The following KCNQ5 variants were observed in gnomAD, a reference collection of about 807,000 sequenced individuals.
KCNQ5 encodes the protein potassium voltage-gated channel subfamily Q member 5.
KCNQ5 carries 30 observed loss-of-function variants against 98.2 expected under a neutral mutation model. The ratio of observed to expected loss-of-function variants is 0.31; its 90% CI spans 0.23 to 0.41. The LOEUF is 0.41. KCNQ5 is among the 10% of genes least tolerant of loss of function. The pLI is 1.00. For synonymous variants in KCNQ5, 458 were observed against 449.4 expected (o/e 1.02, Z -0.24); for missense variants, 835 against 1,182.5 (o/e 0.71, Z 4.31).
chr6:72,698,020 A>G (rs1768591118), intron 1 of KCNQ5, among the ~76,000 whole-genome samples: 1 of 152,192 alleles, frequency 6.6e-6, no homozygotes. Context: ...GTTCAATACC[A>G]GCCTGGGCAG....
At chr6:72,718,862 T>G (rs906343365) in intron 1 of KCNQ5, among the ~76,000 whole-genome samples, 5 of 152,206 alleles carry the variant, frequency 3.3e-5, no homozygotes, top group African/African-American at 1.2e-4. Flanking sequence ...GGTTCCATTT[T>G]AAGCCTGCTA....
intron 1 of KCNQ5, among the ~76,000 whole-genome samples, chr6:72,663,781 G>A (rs982933747): frequency 2.6e-5 from 4 of 151,748 alleles, no homozygotes; most frequent in Non-Finnish European, 4.4e-5. Context: ...AAATTTTATG[G>A]TGTGAAACAC....
intron 1 of KCNQ5, among the ~76,000 whole-genome samples, chr6:72,972,309 C>A (rs1767940534): frequency 6.6e-6 from 1 of 151,930 alleles, no homozygotes; most frequent in African/African-American, 2.4e-5. Flanking sequence ...TATCTACTTG[C>A]CATTAAATAT....
intron 1 of KCNQ5, among the ~76,000 whole-genome samples, chr6:72,639,408 G>A (rs1359167048): frequency 1.3e-5 from 2 of 152,186 alleles, no homozygotes; most frequent in African/African-American, 2.4e-5. Flanking sequence ...AGTGCCATGT[G>A]TTAGGAGGAC....
chr6:72,946,154 A>G (rs1766537164), intron 1 of KCNQ5, among the ~76,000 whole-genome samples: 1 of 152,230 alleles, frequency 6.6e-6, no homozygotes, highest in Non-Finnish European at 1.5e-5. Flanking sequence ...ACGGCCTTTT[A>G]TAGAACCAAT....
At chr6:72,769,333 G>A (rs1341784350) in intron 1 of KCNQ5, among the ~76,000 whole-genome samples, 1 of 152,026 alleles carries the variant, frequency 6.6e-6, no homozygotes, top group African/African-American at 2.4e-5. Flanking sequence ...TGTTTGGATT[G>A]TTTGATAGAA....
At chr6:72,931,989 C>G (rs1765714535) in intron 1 of KCNQ5, among the ~76,000 whole-genome samples, 1 of 152,132 alleles carries the variant, frequency 6.6e-6, no homozygotes, top group African/African-American at 2.4e-5. Flanking sequence ...GAAGAGCCTT[C>G]TCTCAGGAAT....
chr6:73,194,461 A>C lies in KCNQ5; in HGVS notation c.1846A>C (p.Ile616Leu), dbSNP rs745925899. Residue 616 changes from isoleucine (I) to leucine (L), a missense_variant, in exon 14 of 14, where the codon ATA (isoleucine) becomes CTA (leucine). Ile to Leu is a conservative substitution (Grantham distance 5). Around this residue, in one of 10 missense-constraint regions of KCNQ5, gnomAD observed 416 missense variants for 446.9 expected, o/e 0.93. Transcript: ENST00000370398. ...TTTTCCTCACTTCTAGGTACAGTCC[A>C]TAGAATCCAAGCTGGACTGCCTACT... ...VVKVEKQVQS[I>L]ESKLDCLLDI... 6.2e-7 allele frequency: 1 copy of C among 1,613,280 alleles called. No homozygotes were observed. The highest frequency in any genetic ancestry group is 8.5e-7 in the Non-Finnish European group (1 of 1,179,320).
At chr6:72,623,826 G>A (rs2098916783) in intron 1 of KCNQ5, among the ~76,000 whole-genome samples, 1 of 152,192 alleles carries the variant, frequency 6.6e-6, no homozygotes, top group Non-Finnish European at 1.5e-5. Flanking sequence ...GTTTCTTTTA[G>A]AAATAAGTTA....
chr6:72,872,575 C>T (rs1778254168), intron 1 of KCNQ5, among the ~76,000 whole-genome samples: 1 of 152,172 alleles, frequency 6.6e-6, no homozygotes, highest in South Asian at 2.1e-4. Context: ...AGGCAGGTAT[C>T]GTTATTCCTA....
chr6:72,864,753 TA>T (rs942894750), intron 1 of KCNQ5, among the ~76,000 whole-genome samples: 25 of 149,214 alleles, frequency 1.7e-4, no homozygotes, highest in East Asian at 3.9e-4. Context: ...GCTACAAACT[TA>T]AAAAAAAAAC....
intron 1 of KCNQ5, among the ~76,000 whole-genome samples, chr6:72,960,756 T>C (rs984250823): frequency 2.0e-5 from 3 of 152,206 alleles, no homozygotes; most frequent in Non-Finnish European, 2.9e-5. Context: ...AGAACTGTTA[T>C]CTAATGAAAC....
intron 1 of KCNQ5, among the ~76,000 whole-genome samples, chr6:72,935,360 C>T (rs1156900899): frequency 6.6e-6 from 1 of 152,092 alleles, no homozygotes; most frequent in East Asian, 1.9e-4. Flanking sequence ...CGTGAGCCAC[C>T]TCAACCAACC....
At chr6:72,806,724 A>G in intron 1 of KCNQ5, 1 of 399,000 alleles carries the variant, frequency 2.5e-6, no homozygotes, top group Non-Finnish European at 4.8e-6. Context: ...CCATATTTTG[A>G]TTTGGCTTGT....
intron 1 of KCNQ5, among the ~76,000 whole-genome samples, chr6:72,651,779 A>G (rs537551897): frequency 2.6e-5 from 4 of 152,164 alleles, no homozygotes; most frequent in African/African-American, 7.2e-5. Context: ...ATGGAGGAAA[A>G]TAGAATAACT....
chr6:73,085,679 C>T (rs1773960506), intron 5 of KCNQ5, among the ~76,000 whole-genome samples: 1 of 152,156 alleles, frequency 6.6e-6, no homozygotes, highest in Admixed American at 6.5e-5. Context: ...CCCCCGCAAA[C>T]CACCCCTGTA....
chr6:72,641,444 G>GT (rs1565050664), intron 1 of KCNQ5, among the ~76,000 whole-genome samples: 1 of 152,116 alleles, frequency 6.6e-6, no homozygotes, highest in Non-Finnish European at 1.5e-5. Flanking sequence ...AATCTGCCAT[G>GT]TTAAACAGGC....
chr6:72,856,026 G>A (rs1777518472), intron 1 of KCNQ5, among the ~76,000 whole-genome samples: 1 of 152,170 alleles, frequency 6.6e-6, no homozygotes, highest in South Asian at 2.1e-4. Flanking sequence ...CACTCTTACT[G>A]TGTAAATTTT....
chr6:72,990,246 G>A (rs796930391), intron 1 of KCNQ5, among the ~76,000 whole-genome samples: 6 of 89,540 alleles, frequency 6.7e-5, no homozygotes, highest in Non-Finnish European at 4.4e-5. Context: ...ATTACCTTGG[G>A]CAGTGTGGCC....
Sources: allele counts gnomAD v4.1 joint callset (sites outside exome capture counted in the v4.1 genomes callset), GRCh38; gene constraint gnomAD v4.1.1; regional missense constraint gnomAD v4.1.1; transcripts MANE v1.5; gene names NCBI Gene and HGNC (gene_info 2026-07-23, HGNC 2026-07-21).